RBFOX1: variants seen among roughly 807,000 people sequenced by gnomAD.
RBFOX1 encodes the protein RNA binding protein fox-1 homolog 1.
Under a neutral mutation model 57.7 loss-of-function variants are expected in RBFOX1, and 8 were observed. The observed-to-expected ratio is 0.14, with a 90% CI of 0.08 to 0.25. RBFOX1 has a LOEUF of 0.25. Ranked by LOEUF, RBFOX1 falls within the 10% of genes least tolerant of loss-of-function variation. The pLI is 1.00. For missense variants in RBFOX1, 611 were observed against 548.5 expected (o/e 1.11, Z -1.14); for synonymous variants, 326 against 222.4 (o/e 1.47, Z -4.15).
At position 6,780,193 on chromosome 16, in the gene RBFOX1, A is replaced by C. The variant is rs111218452; in HGVS notation, c.-16+125543A>C. On this transcript the variant is annotated intron_variant, in intron 3 of 15. Transcript: ENST00000550418. ...TTTTTATATATTTATATATATATTT[A>C]TATATTTTTATATATTTATATATAT... Among the ~76,000 whole-genome samples the C allele has an allele frequency of 2.7e-3, 85 of 31,420 alleles. 2 individuals carry two copies. Among genetic ancestry groups the C allele is most frequent in the African/African-American group, 9.9e-3 (34 of 3,418 alleles). 20.6% of individuals were successfully genotyped at this position (31,420 alleles called of 152,430 possible). A position where few individuals can be genotyped will look rare whatever the true frequency, so the allele number is the denominator to read the frequency against.
chr16:7,071,595 G>A lies in RBFOX1; in HGVS notation c.27+19497G>A, dbSNP rs964851379. 3.5e-5 allele frequency among the ~76,000 whole-genome samples: 5 copies of A among 143,996 alleles called. No individual in the cohort carries two copies. In the South Asian group the frequency reaches 1.1e-3, roughly 32 times the overall value. The allele number at this position is 143,996 out of a possible 152,430, so 94.5% of individuals were successfully genotyped here. A position where few individuals can be genotyped will look rare whatever the true frequency, so the allele number is the denominator to read the frequency against. ...CACTAATTTGCCCAGATATGTGTGTGTGTGTGTGTGTGTGTGTGTGTGTTT... is the reference window on the plus strand; with the variant it reads ...CACTAATTTGCCCAGATATGTGTGTATGTGTGTGTGTGTGTGTGTGTGTTT... On this transcript the variant is annotated intron_variant, in intron 4 of 15. Transcript: ENST00000550418.
intron 3 of RBFOX1, among the ~76,000 whole-genome samples, chr16:7,040,748 T>A (rs1026562161): frequency 1.3e-5 from 2 of 152,264 alleles, no homozygotes; most frequent in Non-Finnish European, 2.9e-5. Flanking sequence ...AACTTGCTTT[T>A]GTTTTATTTT....
At chr16:6,390,618 T>G (rs1253704868) in intron 2 of RBFOX1, among the ~76,000 whole-genome samples, 1 of 152,158 alleles carries the variant, frequency 6.6e-6, no homozygotes, top group Non-Finnish European at 1.5e-5. Flanking sequence ...AAATAAACTA[T>G]GAATTAAAAT....
intron 4 of RBFOX1, among the ~76,000 whole-genome samples, chr16:7,296,006 GT>G (rs1034590780): frequency 6.6e-6 from 1 of 151,960 alleles, no homozygotes; most frequent in Non-Finnish European, 1.5e-5. Flanking sequence ...ACTATTAATT[GT>G]TTTTTAGTCT....
At chr16:7,172,559 T>C (rs1418054288) in intron 4 of RBFOX1, among the ~76,000 whole-genome samples, 3 of 152,110 alleles carry the variant, frequency 2.0e-5, no homozygotes, top group Non-Finnish European at 4.4e-5. Context: ...CAAGTTCCAT[T>C]AAATGTAATT....
At chr16:6,224,207 A>T (rs570458148) in intron 1 of RBFOX1, among the ~76,000 whole-genome samples, 83 of 128,860 alleles carry the variant, frequency 6.4e-4, no homozygotes, top group Middle Eastern at 4.1e-3. Flanking sequence ...TTCCATATGA[A>T]CTTTAAAGTA....
At chr16:5,348,599 C>G (rs1288651180) in intron 1 of RBFOX1, among the ~76,000 whole-genome samples, 1 of 152,150 alleles carries the variant, frequency 6.6e-6, no homozygotes, top group Non-Finnish European at 1.5e-5. Context: ...CCCATTATTT[C>G]AACTCACCTG....
At chr16:5,556,767 C>CAAAAA (rs2045694092) in intron 2 of RBFOX1, among the ~76,000 whole-genome samples, 1 of 151,362 alleles carries the variant, frequency 6.6e-6, no homozygotes, top group African/African-American at 2.4e-5. Context: ...AAAGATGCCA[C>CAAAAA]GAAAACAAAA....
chr16:6,238,790 A>T (rs186661100), intron 1 of RBFOX1, among the ~76,000 whole-genome samples: 2 of 152,222 alleles, frequency 1.3e-5, no homozygotes, highest in East Asian at 3.9e-4. Flanking sequence ...GTGGTTGTAT[A>T]TATTTATGGG....
At chr16:6,450,952 G>C (rs1427659845) in intron 2 of RBFOX1, among the ~76,000 whole-genome samples, 1 of 143,314 alleles carries the variant, frequency 7.0e-6, no homozygotes, top group Non-Finnish European at 1.5e-5. Context: ...CATCTAAGCA[G>C]ATAGCATCAA....
At chr16:5,894,584 A>G (rs1247796974) in intron 4 of RBFOX1, among the ~76,000 whole-genome samples, 1 of 152,174 alleles carries the variant, frequency 6.6e-6, no homozygotes, top group Non-Finnish European at 1.5e-5. Context: ...TACTAAAAAC[A>G]TTTTAAAGGA....
chr16:6,994,875 A>T (rs1038703408), intron 3 of RBFOX1, among the ~76,000 whole-genome samples: 5 of 152,214 alleles, frequency 3.3e-5, no homozygotes, highest in Non-Finnish European at 5.9e-5. Flanking sequence ...TATCAAAACA[A>T]AATTCCAAAT....
chr16:6,568,882 C>G (rs544350363), intron 2 of RBFOX1, among the ~76,000 whole-genome samples: 1 of 152,072 alleles, frequency 6.6e-6, no homozygotes, highest in Non-Finnish European at 1.5e-5. Flanking sequence ...GATTATCCTG[C>G]CTCAGCACTG....
chr16:6,886,902 G>A (rs753201557), intron 3 of RBFOX1, among the ~76,000 whole-genome samples: 3 of 152,114 alleles, frequency 2.0e-5, no homozygotes, highest in Admixed American at 1.3e-4. Context: ...AGGTCACTTA[G>A]CCAATGAGGT....
At chr16:7,545,736 G>A (rs1242014011) in intron 5 of RBFOX1, among the ~76,000 whole-genome samples, 2 of 152,144 alleles carry the variant, frequency 1.3e-5, no homozygotes, top group South Asian at 2.1e-4. Context: ...TTTCCAGACA[G>A]AGGTGGAGGG....
chr16:5,288,841 T>G (rs1199300993), intron 1 of RBFOX1, among the ~76,000 whole-genome samples: 1 of 151,758 alleles, frequency 6.6e-6, no homozygotes, highest in Non-Finnish European at 1.5e-5. Context: ...ATAAAACTCA[T>G]ATAGGCTGGG....
intron 1 of RBFOX1, among the ~76,000 whole-genome samples, chr16:5,255,345 C>CATCT: frequency 6.6e-6 from 1 of 150,430 alleles, no homozygotes; most frequent in East Asian, 2.0e-4. Flanking sequence ...TCCATCCATC[C>CATCT]ATCCATCCCT....
chr16:5,940,700 G>C (rs769539244), intron 4 of RBFOX1, among the ~76,000 whole-genome samples: 79 of 152,234 alleles, frequency 5.2e-4, no homozygotes, highest in Non-Finnish European at 2.1e-4. Context: ...GCAGTTTCTA[G>C]GCCAGGAATT....
intron 2 of RBFOX1, among the ~76,000 whole-genome samples, chr16:6,431,682 T>C (rs1418335053): frequency 1.3e-5 from 2 of 152,062 alleles, no homozygotes; most frequent in Non-Finnish European, 2.9e-5. Flanking sequence ...AGTCTGAATA[T>C]GATGGGAAGC....
Sources: gnomAD v4.1 joint callset for allele counts (sites outside exome capture counted in the v4.1 genomes callset) on GRCh38, gnomAD v4.1.1 for gene constraint, MANE v1.5 for transcripts, NCBI Gene and HGNC (gene_info 2026-07-23, HGNC 2026-07-21) for gene names.